Variants in ST18 observed in about 807,000 individuals in gnomAD.
ST18 encodes suppression of tumorigenicity 18 protein.
In ST18, 50 loss-of-function variants were observed where a neutral mutation model predicts 110.0. That is an observed-to-expected ratio of 0.45 (90% CI 0.36 to 0.58). The LOEUF (loss-of-function observed/expected upper bound fraction) is 0.58. Ranked by LOEUF, ST18 falls within the 20% of genes least tolerant of loss-of-function variation. The pLI, the probability that ST18 is intolerant of heterozygous loss-of-function variation, is 0.00. For synonymous variants in ST18, 461 were observed against 452.4 expected (o/e 1.02, Z -0.24); for missense variants, 1,306 against 1,280.1 (o/e 1.02, Z -0.31).
At chr8:52,225,381 T>C (rs2088941243) in intron 3 of ST18, among the ~76,000 whole-genome samples, 1 of 152,220 alleles carries the variant, frequency 6.6e-6, no homozygotes, top group South Asian at 2.1e-4. Context: ...CATATTCAAA[T>C]AAGCTTAACA....
intron 17 of ST18, among the ~76,000 whole-genome samples, chr8:52,140,615 C>T (rs550159028): frequency 6.6e-6 from 1 of 150,660 alleles, no homozygotes; most frequent in African/African-American, 2.5e-5. Context: ...AACTAAGAGG[C>T]CTCTGAGAGA....
intron 2 of ST18, among the ~76,000 whole-genome samples, chr8:52,310,393 TTCC>T (rs2095884678): frequency 1.5e-5 from 1 of 67,038 alleles, no homozygotes; most frequent in African/African-American, 6.4e-5. Context: ...GTGTCTTTTA[TTCC>T]TTTATTCCCC....
At chr8:52,309,456 GT>G (rs1350441183) in intron 2 of ST18, among the ~76,000 whole-genome samples, 7 of 137,300 alleles carry the variant, frequency 5.1e-5, no homozygotes, top group African/African-American at 1.9e-4. Flanking sequence ...GGGAAGTGGA[GT>G]TTGCAGTGAG....
chr8:52,302,202 A>C (rs62499822), intron 2 of ST18, among the ~76,000 whole-genome samples: 24,545 of 152,202 alleles, frequency 0.16, 2,156 homozygotes, highest in Middle Eastern at 0.29. Flanking sequence ...AATGAGTAAG[A>C]AAATATGTTG....
At chr8:52,272,346 T>A (rs1036706933) in intron 2 of ST18, among the ~76,000 whole-genome samples, 11 of 148,270 alleles carry the variant, frequency 7.4e-5, no homozygotes, top group African/African-American at 2.6e-4. Context: ...TACAACTCAA[T>A]AGTAAAAAAA....
At chr8:52,192,918 C>T (rs964568287) in intron 8 of ST18, among the ~76,000 whole-genome samples, 6 of 152,180 alleles carry the variant, frequency 3.9e-5, no homozygotes, top group African/African-American at 1.4e-4. Context: ...TAGATACCGT[C>T]CTGGCAGGAG....
rs1398190587 is a variant in ST18 at position 52,382,800 on chromosome 8, G to A, written c.-465+26528C>T. ...GATATAGGGCAAGAAAGTGCCTCAT[G>A]AAAGAGAAACTGATAAATTTCCAGA... On this transcript the variant is annotated intron_variant, in intron 2 of 25. Coordinates refer to ENST00000689386, the MANE Select transcript of ST18 (RefSeq NM_001352837.2). Among the ~76,000 whole-genome samples the A allele has an allele frequency of 2.7e-5, 4 of 150,558 alleles. No homozygotes were observed. The East Asian group carries it at 7.8e-4, about 29-fold the overall frequency.
At position 52,170,448 on chromosome 8, in the gene ST18, A is replaced by AAATC. The variant is rs201030669; in HGVS notation, c.1069+1340_1069+1343dup. ...GCCTGGGCAACAGAGCAAAACTCAA[A>AAATC]AATCAATAAATAAATAAATAAATAA... On this transcript the variant is annotated intron_variant, in intron 10 of 25. Transcript: ENST00000689386. Among the ~76,000 whole-genome samples the AAATC allele has an allele frequency of 5.5e-3, 655 of 118,720 alleles. 4 individuals carry two copies. The highest frequency in any genetic ancestry group is 0.012 in the Middle Eastern group (3 of 252). 77.9% of individuals were successfully genotyped at this position (118,720 alleles called of 152,430 possible).
chr8:52,175,732 G>A (rs1288393863), intron 9 of ST18, among the ~76,000 whole-genome samples: 3 of 152,164 alleles, frequency 2.0e-5, no homozygotes, highest in East Asian at 3.9e-4. Flanking sequence ...GTTCACAGAA[G>A]GGAAACTACA....
At chr8:52,318,886 A>G (rs575048120) in intron 2 of ST18, among the ~76,000 whole-genome samples, 5 of 141,386 alleles carry the variant, frequency 3.5e-5, no homozygotes, top group Non-Finnish European at 6.1e-5. Context: ...ACATGGACAC[A>G]TGGGGGGGTG....
intron 3 of ST18, among the ~76,000 whole-genome samples, chr8:52,225,190 G>A (rs1026775268): frequency 2.6e-5 from 4 of 152,144 alleles, no homozygotes; most frequent in African/African-American, 9.7e-5. Context: ...AATAACTTAT[G>A]CAAGACCTAT....
At chr8:52,196,441 C>T (rs144785245) in intron 8 of ST18, among the ~76,000 whole-genome samples, 37 of 152,302 alleles carry the variant, frequency 2.4e-4, no homozygotes, top group African/African-American at 8.2e-4. Flanking sequence ...TGCCTGCATT[C>T]GTCCTGTGAG....
intron 9 of ST18, among the ~76,000 whole-genome samples, chr8:52,173,052 T>A (rs1375906915): frequency 1.3e-5 from 2 of 152,250 alleles, no homozygotes; most frequent in African/African-American, 4.8e-5. Context: ...TCTGTTAGCA[T>A]GGCAATGTAT....
intron 8 of ST18, chr8:52,201,482 C>G (rs886445653): frequency 6.6e-6 from 1 of 152,228 alleles, no homozygotes; most frequent in African/African-American, 2.4e-5. Flanking sequence ...CACTCCCCTG[C>G]CCTGATTTGG....
chr8:52,309,349 C>T (rs753740958), intron 2 of ST18, among the ~76,000 whole-genome samples: 49 of 152,074 alleles, frequency 3.2e-4, no homozygotes, highest in Non-Finnish European at 5.0e-4. Flanking sequence ...GGTGAAACCA[C>T]GTCTCTACTA....
intron 2 of ST18, among the ~76,000 whole-genome samples, chr8:52,285,689 G>A (rs1376171671): frequency 1.3e-5 from 2 of 152,172 alleles, no homozygotes; most frequent in African/African-American, 4.8e-5. Flanking sequence ...CTGAAATGAT[G>A]GACACCCTGC....
intron 2 of ST18, among the ~76,000 whole-genome samples, chr8:52,346,740 G>C (rs1240978698): frequency 6.6e-6 from 1 of 152,156 alleles, no homozygotes. Flanking sequence ...TCAAGTGTGA[G>C]ATCAAAATAA....
intron 16 of ST18, among the ~76,000 whole-genome samples, chr8:52,145,831 A>G (rs2057063324): frequency 6.6e-6 from 1 of 152,186 alleles, no homozygotes; most frequent in South Asian, 2.1e-4. Flanking sequence ...TTAAGCCCTG[A>G]AATCTTTGGA....
chr8:52,362,841 C>T (rs1018358490), intron 2 of ST18, among the ~76,000 whole-genome samples: 2 of 152,142 alleles, frequency 1.3e-5, no homozygotes, highest in African/African-American at 2.4e-5. Flanking sequence ...AGGTCCACAT[C>T]GTCTGGACTT....
Sources: gnomAD v4.1 joint callset for allele counts (sites outside exome capture counted in the v4.1 genomes callset) on GRCh38, gnomAD v4.1.1 for gene constraint, MANE v1.5 for transcripts, NCBI Gene and HGNC (gene_info 2026-07-23, HGNC 2026-07-21) for gene names.